The following L3MBTL4 variants were observed in gnomAD, a reference collection of about 807,000 sequenced individuals.
L3MBTL4 encodes L3MBTL histone methyl-lysine binding protein 4, also known as lethal(3)malignant brain tumor-like protein 4.
Under a neutral mutation model 84.5 loss-of-function variants are expected in L3MBTL4, and 70 were observed. The ratio of observed to expected loss-of-function variants is 0.83; its 90% CI spans 0.68 to 1.01. L3MBTL4 has a LOEUF of 1.01. Among genes scored for constraint, L3MBTL4 ranks in the 50% least tolerant of loss-of-function variants. The pLI is 0.00. For missense variants in L3MBTL4, 715 were observed against 754.8 expected (o/e 0.95, Z 0.62); for synonymous variants, 274 against 259.8 (o/e 1.05, Z -0.52).
intron 1 of L3MBTL4, among the ~76,000 whole-genome samples, chr18:6,350,229 C>A (rs907191224): frequency 6.6e-6 from 1 of 152,028 alleles, no homozygotes; most frequent in Non-Finnish European, 1.5e-5. Flanking sequence ...CGCAAGCAAC[C>A]AAAGAATAAG....
At chr18:5,959,246 T>A (rs946471803) in intron 18 of L3MBTL4, among the ~76,000 whole-genome samples, 1 of 152,182 alleles carries the variant, frequency 6.6e-6, no homozygotes, top group Non-Finnish European at 1.5e-5. Context: ...CTCAGATGGA[T>A]ATGAGCTGGA....
At chr18:6,147,531 A>C (rs890486389) in intron 13 of L3MBTL4, among the ~76,000 whole-genome samples, 19 of 152,348 alleles carry the variant, frequency 1.2e-4, no homozygotes, top group African/African-American at 4.3e-4. Context: ...TGTCAATTTT[A>C]TACTTACTTG....
intron 4 of L3MBTL4, among the ~76,000 whole-genome samples, chr18:6,299,678 A>T (rs79070008): frequency 3.0e-5 from 3 of 99,320 alleles, no homozygotes; most frequent in Admixed American, 9.6e-5. Flanking sequence ...ATATAGATAT[A>T]TTTTTTTTAT....
rs148107254 is a variant in L3MBTL4, at chr18:6,308,427, G to A, written c.72+3127C>T. Reference sequence around the variant, plus strand: ...TATCCTTTGGTACAATAATTTCACTGCAGTGATAGTACCTATGAATGAACT... The same window carrying A: ...TATCCTTTGGTACAATAATTTCACTACAGTGATAGTACCTATGAATGAACT... On this transcript the variant is annotated intron_variant, in intron 3 of 18. Transcript: ENST00000317931. Among the ~76,000 whole-genome samples, 378 of 152,252 alleles carry A rather than the reference G, an allele frequency of 2.5e-3. 1 individual carries two copies. The highest frequency in any genetic ancestry group is 2.2e-3 in the Non-Finnish European group (150 of 68,008).
chr18:6,147,135 ACT>A (rs1443014538), intron 13 of L3MBTL4, among the ~76,000 whole-genome samples: 3 of 152,184 alleles, frequency 2.0e-5, no homozygotes, highest in Non-Finnish European at 4.4e-5. Flanking sequence ...TACTATCTTT[ACT>A]TTGGACTGGA....
At chr18:6,171,970 C>A (rs2043994867) in intron 12 of L3MBTL4, 28 bp from the exon 13 acceptor site, 1 of 1,102,266 alleles carries the variant, frequency 9.1e-7, no homozygotes, top group Non-Finnish European at 1.3e-6. Flanking sequence ...GAATGATTAG[C>A]ATTTAGTAAT....
At chr18:6,019,948 T>G (rs1477829812) in intron 16 of L3MBTL4, among the ~76,000 whole-genome samples, 1 of 152,220 alleles carries the variant, frequency 6.6e-6, no homozygotes, top group Non-Finnish European at 1.5e-5. Flanking sequence ...TGTCCATCTC[T>G]GCGTTCCCAG....
chr18:6,087,594 A>T (rs1295847143), intron 15 of L3MBTL4, among the ~76,000 whole-genome samples: 2 of 152,124 alleles, frequency 1.3e-5, no homozygotes, highest in Non-Finnish European at 2.9e-5. Flanking sequence ...CTGGTTTGTC[A>T]TGGTGTTTTG....
At chr18:6,038,513 C>T (rs2056251576) in intron 16 of L3MBTL4, among the ~76,000 whole-genome samples, 1 of 152,064 alleles carries the variant, frequency 6.6e-6, no homozygotes, top group Non-Finnish European at 1.5e-5. Context: ...CTCGGCCTCC[C>T]AAAGTGCTGG....
chr18:6,366,197 A>G (rs1292985523), intron 1 of L3MBTL4, among the ~76,000 whole-genome samples: 2 of 152,240 alleles, frequency 1.3e-5, no homozygotes, highest in African/African-American at 4.8e-5. Context: ...TCCTCCATAT[A>G]GAACAGACAA....
chr18:6,093,475 T>A lies in L3MBTL4; in HGVS notation c.1253A>T (p.His418Leu). The A allele has an allele frequency of 6.2e-7, 1 of 1,613,994 alleles. No individual in the cohort carries two copies. The highest frequency in any genetic ancestry group is 2.2e-5 in the East Asian group (1 of 44,854). Residue 418 changes from histidine (H) to leucine (L), a missense_variant, in exon 15 of 19, where the codon CAC becomes CTC. Coordinates refer to ENST00000317931, the MANE Select transcript of L3MBTL4 (RefSeq NM_001330559.2). ...CTGTGTTTGTTCTCTCAAACGATCG[T>A]GAAGTGTTGCCTCCTTTTTCAAGTT... ...DMNLKKEATL[H>L]DRLREQTQAN... is the part of the protein sequence containing the mutation.
At chr18:6,159,624 C>T (rs980604090) in intron 13 of L3MBTL4, among the ~76,000 whole-genome samples, 17 of 152,320 alleles carry the variant, frequency 1.1e-4, no homozygotes, top group Middle Eastern at 3.4e-3. Context: ...TAATCTGACG[C>T]GATGGTCCCT....
chr18:6,071,748 A>G (rs112119622), intron 16 of L3MBTL4, among the ~76,000 whole-genome samples: 1 of 83,564 alleles, frequency 1.2e-5, no homozygotes, highest in African/African-American at 3.6e-5. Flanking sequence ...AAGGAAGGAA[A>G]GAAAGAAAGA....
rs370049182 is a variant in L3MBTL4 at position 6,036,388 on chromosome 18, C to T, written c.1444+44493G>A. ...TTCTGTTTTTTTTTCCTGCTCAAAT[C>T]TCCCTTTGAAGCCCTCTAGTAAAAT... On this transcript the variant is annotated intron_variant, in intron 16 of 18. Coordinates refer to ENST00000317931, the MANE Select transcript of L3MBTL4 (RefSeq NM_001330559.2). Among the ~76,000 whole-genome samples, 115 of 152,126 alleles carry T rather than the reference C, an allele frequency of 7.6e-4. 1 individual carries two copies. The South Asian group carries it at 0.01, about 14-fold the overall frequency.
chr18:6,170,699 GAA>G (rs1393305689), intron 13 of L3MBTL4, among the ~76,000 whole-genome samples: 8 of 152,084 alleles, frequency 5.3e-5, no homozygotes, highest in Non-Finnish European at 7.4e-5. Context: ...TCGTACTTGA[GAA>G]AGTTACTGGC....
chr18:6,020,497 T>A (rs2055198260), intron 16 of L3MBTL4, among the ~76,000 whole-genome samples: 1 of 152,046 alleles, frequency 6.6e-6, no homozygotes, highest in African/African-American at 2.4e-5. Context: ...AGTGCCATGA[T>A]TAGATTTGAA....
At chr18:6,358,768 G>T (rs764951768) in intron 1 of L3MBTL4, among the ~76,000 whole-genome samples, 2 of 152,194 alleles carry the variant, frequency 1.3e-5, no homozygotes, top group Non-Finnish European at 2.9e-5. Context: ...CCTTTTGCAC[G>T]TGGAAAGCAG....
At chr18:6,354,046 C>T (rs1018573935) in intron 1 of L3MBTL4, among the ~76,000 whole-genome samples, 1 of 152,060 alleles carries the variant, frequency 6.6e-6, no homozygotes, top group African/African-American at 2.4e-5. Flanking sequence ...TACAGAGCTA[C>T]AGTAACCAAA....
At chr18:6,300,995 C>T (rs1204926550) in intron 4 of L3MBTL4, among the ~76,000 whole-genome samples, 1 of 152,098 alleles carries the variant, frequency 6.6e-6, no homozygotes, top group Non-Finnish European at 1.5e-5. Flanking sequence ...TTTAAAGCAC[C>T]ACCCATTTGT....
Sources: allele counts gnomAD v4.1 joint callset (sites outside exome capture counted in the v4.1 genomes callset), GRCh38; gene constraint gnomAD v4.1.1; transcripts MANE v1.5; gene names NCBI Gene and HGNC (gene_info 2026-07-23, HGNC 2026-07-21).